The following TRIO variants were observed in gnomAD, a reference collection of about 807,000 sequenced individuals.
The protein encoded by TRIO is trio Rho guanine nucleotide exchange factor.
TRIO carries 58 observed loss-of-function variants against 351.9 expected under a neutral mutation model. That is an observed-to-expected ratio of 0.16 (90% CI 0.13 to 0.21). TRIO has a LOEUF of 0.21. TRIO is among the 10% of genes least tolerant of loss of function. TRIO has a pLI of 1.00. For synonymous variants in TRIO, 1,758 were observed against 1,595.7 expected, an observed-to-expected ratio of 1.10 and a Z score of -2.42; for missense variants, 3,201 against 4,027.8, an observed-to-expected ratio of 0.79 and a Z score of 5.56.
chr5:14,459,225 G>T (rs866973321), intron 34 of TRIO, among the ~76,000 whole-genome samples: 24 of 152,222 alleles, frequency 1.6e-4, no homozygotes, highest in Non-Finnish European at 2.9e-4. Flanking sequence ...GGAAGCACTT[G>T]GTGGGAAACC....
At chr5:14,305,517 G>A (rs780027080) in intron 8 of TRIO, among the ~76,000 whole-genome samples, 2 of 152,198 alleles carry the variant, frequency 1.3e-5, no homozygotes, top group African/African-American at 2.4e-5. Context: ...AAAGATTATC[G>A]CAAGGCTTCT....
At chr5:14,207,494 AGC>A (rs1791605431) in intron 1 of TRIO, among the ~76,000 whole-genome samples, 4 of 60,662 alleles carry the variant, frequency 6.6e-5, no homozygotes, top group African/African-American at 9.5e-5. Context: ...ACACACACAC[AGC>A]CAGGTAGCAT....
Position 14,348,023 on chromosome 5 carries a change from AT to A in TRIO, c.2047-10154del, listed in dbSNP as rs573621533. Among the ~76,000 whole-genome samples, 8 of 152,346 alleles carry A rather than the reference AT, an allele frequency of 5.3e-5. No homozygotes were observed. In the East Asian group the frequency reaches 1.5e-3, roughly 29 times the overall value. ...CATGTGTTATTTGGTTGAGTCCACA[AT>A]GCTGTCATGCCCCCAAATAACTCCT... On this transcript the variant is annotated intron_variant, in intron 11 of 56. Transcript: ENST00000344204.
intron 3 of TRIO, among the ~76,000 whole-genome samples, chr5:14,281,789 T>A (rs1736028450): frequency 6.6e-6 from 1 of 152,128 alleles, no homozygotes; most frequent in Non-Finnish European, 1.5e-5. Context: ...TGAGGATGTG[T>A]GAGAGAAAAC....
At chr5:14,440,220 C>G (rs1751913476) in intron 34 of TRIO, among the ~76,000 whole-genome samples, 1 of 152,176 alleles carries the variant, frequency 6.6e-6, no homozygotes. Flanking sequence ...AACACTTCCT[C>G]AAAGAAATTG....
chr5:14,145,224 A>G (rs1460050896), intron 1 of TRIO, among the ~76,000 whole-genome samples: 2 of 152,180 alleles, frequency 1.3e-5, no homozygotes, highest in Non-Finnish European at 2.9e-5. Flanking sequence ...CACGAGGAGC[A>G]ATTGCAGCGG....
rs1787294278 is a variant in TRIO, at chr5:14,143,477, G to A, written c.-249G>A. Among the ~76,000 whole-genome samples, 1 of 148,286 alleles carries A rather than the reference G, an allele frequency of 6.7e-6. No individual in the cohort carries two copies. Among genetic ancestry groups the A allele is most frequent in the African/African-American group, 2.4e-5 (1 of 40,910 alleles). ...CTGCCCGCGCTCCGGCCGGCGCCCGGGAGGCCGTGGCTCCGCGCCTCCGCC... is the reference window on the plus strand; with the variant it reads ...CTGCCCGCGCTCCGGCCGGCGCCCGAGAGGCCGTGGCTCCGCGCCTCCGCC... On this transcript the variant is annotated 5_prime_UTR_variant, in exon 1 of 57. Transcript: ENST00000344204.
At position 14,296,967 on chromosome 5, in the gene TRIO, C is replaced by G. The variant is rs921494552; in HGVS notation, c.1177-105C>G. ...GTGATGCTCCTGGGAGAGATGTGATCACTGTTAGAAGCCTGTGTTTCAGCA... is the reference window on the plus strand; with the variant it reads ...GTGATGCTCCTGGGAGAGATGTGATGACTGTTAGAAGCCTGTGTTTCAGCA... On this transcript the variant is annotated intron_variant, in intron 6 of 56. Coordinates refer to ENST00000344204, the MANE Select transcript of TRIO (RefSeq NM_007118.4). The G allele has an allele frequency of 6.5e-5, 55 of 848,930 alleles. No individual in the cohort carries two copies. In the East Asian group the frequency reaches 1.3e-3, roughly 21 times the overall value. The allele number at this position is 848,930 out of a possible 1,614,324, so 52.6% of individuals were successfully genotyped here. A position where few individuals can be genotyped will look rare whatever the true frequency, so the allele number is the denominator to read the frequency against.
Position 14,286,191 on chromosome 5 carries a change from TACC to T in TRIO, c.348-677_348-675del, listed in dbSNP as rs1736431482. On this transcript the variant is annotated intron_variant, in intron 3 of 56. Transcript: ENST00000344204. This position sits in a 1 kb window ranked among gnomAD's most constrained non-coding sequence, Gnocchi z 4.4. Reference sequence around the variant, plus strand: ...GCCAGCAGTGTTAAGCCAGCGTTGCTACCACATAAAGGCTTAGTACAGTTGTGG... The same window carrying T: ...GCCAGCAGTGTTAAGCCAGCGTTGCTACATAAAGGCTTAGTACAGTTGTGG... Among the ~76,000 whole-genome samples, 2 of 152,266 alleles carry T rather than the reference TACC, an allele frequency of 1.3e-5. No individual in the cohort carries two copies. Among genetic ancestry groups the T allele is most frequent in the South Asian group, 2.1e-4 (1 of 4,816 alleles).
At chr5:14,360,581 G>T (rs145766970) in intron 13 of TRIO, among the ~76,000 whole-genome samples, 82 of 152,278 alleles carry the variant, frequency 5.4e-4, no homozygotes, top group Non-Finnish European at 8.4e-4. Context: ...GCAGTCCTTG[G>T]CACTCAGGCT....
At chr5:14,214,263 T>A (rs27463) in intron 1 of TRIO, among the ~76,000 whole-genome samples, 39,568 of 152,062 alleles carry the variant, frequency 0.26, 5,390 homozygotes, top group East Asian at 0.45. Flanking sequence ...TAAGCCGTGG[T>A]GTTCATGGTT....
intron 18 of TRIO, among the ~76,000 whole-genome samples, chr5:14,370,819 T>A (rs1283188750): frequency 6.6e-6 from 1 of 152,192 alleles, no homozygotes; most frequent in Non-Finnish European, 1.5e-5. Flanking sequence ...GATTTCGAGG[T>A]GGAATCATTA....
Position 14,416,211 on chromosome 5 carries a change from C to T in TRIO, c.4960-3567C>T, listed in dbSNP as rs370446578. 8.0e-5 allele frequency among the ~76,000 whole-genome samples: 12 copies of T among 149,852 alleles called. No individual in the cohort carries two copies. In the East Asian group the frequency reaches 1.4e-3, roughly 17 times the overall value. On this transcript the variant is annotated intron_variant, in intron 33 of 56. Transcript: ENST00000344204. ...GATAGTGGCTGAATGTTTTCTAGTT[C>T]GGAATTTAATTTTTCTTAAAAAGCA...
intron 13 of TRIO, among the ~76,000 whole-genome samples, chr5:14,361,316 T>C (rs959325451): frequency 2.0e-5 from 3 of 152,132 alleles, no homozygotes; most frequent in Non-Finnish European, 4.4e-5. Context: ...CATACATTTT[T>C]CCCCCAACAA....
Position 14,225,800 on chromosome 5 carries a change from C to CG in TRIO, c.158-45025_158-45024insG, listed in dbSNP as rs959298428. 8.0e-5 allele frequency among the ~76,000 whole-genome samples: 11 copies of CG among 136,718 alleles called. 1 individual carries two copies. Among genetic ancestry groups the CG allele is most frequent in the African/African-American group, 3.1e-4 (10 of 32,444 alleles). 89.7% of individuals were successfully genotyped at this position (136,718 alleles called of 152,430 possible). On this transcript the variant is annotated intron_variant, in intron 1 of 56. Transcript: ENST00000344204. ...TCATATTCACTGCTCCCACCCCCCC[C>CG]CCCACCTCCAAGCCCAAAAGGATGA...
At chr5:14,424,963 A>G (rs1285857099) in intron 34 of TRIO, among the ~76,000 whole-genome samples, 1 of 152,180 alleles carries the variant, frequency 6.6e-6, no homozygotes, top group Non-Finnish European at 1.5e-5. Context: ...TGAAGTATTC[A>G]GATTCCCTCT....
At chr5:14,227,360 C>A (rs1425834084) in intron 1 of TRIO, among the ~76,000 whole-genome samples, 2 of 152,164 alleles carry the variant, frequency 1.3e-5, no homozygotes, top group African/African-American at 2.4e-5. Flanking sequence ...AGGACAGGGA[C>A]CTCCTTTTGT....
At chr5:14,218,016 TAAAA>T (rs1332774490) in intron 1 of TRIO, among the ~76,000 whole-genome samples, 1 of 152,252 alleles carries the variant, frequency 6.6e-6, no homozygotes, top group Non-Finnish European at 1.5e-5. Context: ...ATTAAATAAA[TAAAA>T]GTCTTATTAA....
chr5:14,406,704 G>A (rs748730708), intron 33 of TRIO, 32 bp downstream of exon 33: 2 of 1,603,070 alleles, frequency 1.2e-6, no homozygotes, highest in Non-Finnish European at 1.7e-6. Context: ...GTGTGCGGAG[G>A]GGAATGTGGC....
Sources: allele counts gnomAD v4.1 joint callset (sites outside exome capture counted in the v4.1 genomes callset), GRCh38; gene constraint gnomAD v4.1.1; non-coding constraint Gnocchi (gnomAD v3.1); transcripts MANE v1.5; gene names NCBI Gene and HGNC (gene_info 2026-07-23, HGNC 2026-07-21).